The following MPP7 variants were observed in gnomAD, a reference collection of about 807,000 sequenced individuals.
MPP7 encodes MAGUK p55 subfamily member 7.
Under a neutral mutation model 76.5 loss-of-function variants are expected in MPP7, and 60 were observed. The ratio of observed to expected loss-of-function variants is 0.78; its 90% CI spans 0.64 to 0.97. The LOEUF (loss-of-function observed/expected upper bound fraction) is 0.97, where lower values mean the gene tolerates loss of function less well. MPP7 is among the 50% of genes least tolerant of loss of function. The pLI is 0.00. For synonymous variants in MPP7, 237 were observed against 244.5 expected, an observed-to-expected ratio of 0.97 and a Z score of 0.29; for missense variants, 641 against 694.0, an observed-to-expected ratio of 0.92 and a Z score of 0.86.
At chr10:28,080,257 T>C (rs1229470848) in intron 12 of MPP7, among the ~76,000 whole-genome samples, 1 of 152,136 alleles carries the variant, frequency 6.6e-6, no homozygotes, top group Admixed American at 6.5e-5. Flanking sequence ...AAAATACTCA[T>C]CTCACTCTAC....
At chr10:28,164,668 AT>A (rs71391014) in intron 3 of MPP7, among the ~76,000 whole-genome samples, 3 of 151,210 alleles carry the variant, frequency 2.0e-5, no homozygotes, top group African/African-American at 7.3e-5. Flanking sequence ...ACATTATGAG[AT>A]TTTTTTTTTT....
At chr10:28,226,228 G>T (rs189658709) in intron 2 of MPP7, among the ~76,000 whole-genome samples, 8 of 151,994 alleles carry the variant, frequency 5.3e-5, no homozygotes, top group Non-Finnish European at 1.2e-4. Context: ...GATTGACATG[G>T]GCTGGAGGGA....
At chr10:28,238,956 G>A in intron 1 of MPP7, among the ~76,000 whole-genome samples, 1 of 151,596 alleles carries the variant, frequency 6.6e-6, no homozygotes, top group East Asian at 1.9e-4. Context: ...CGTGTGTTGA[G>A]GATTCCTTAA....
chr10:28,325,786 G>A (rs571457987), intron 2 of MPP7, among the ~76,000 whole-genome samples: 54 of 152,040 alleles, frequency 3.6e-4, no homozygotes, highest in African/African-American at 1.3e-3. Context: ...GAGCCACCGC[G>A]CCTGGCCGCA....
chr10:28,105,633 G>A (rs933510927), intron 11 of MPP7, among the ~76,000 whole-genome samples: 1 of 152,094 alleles, frequency 6.6e-6, no homozygotes, highest in African/African-American at 2.4e-5. Context: ...TCAGCCTCCT[G>A]AGTAACTTGG....
chr10:28,070,364 A>G (rs1397381445), intron 12 of MPP7, among the ~76,000 whole-genome samples: 1 of 152,150 alleles, frequency 6.6e-6, no homozygotes, highest in East Asian at 1.9e-4. Context: ...GCGCCTCTGC[A>G]CTCCAGCCTG....
At chr10:28,056,805 A>G (rs1479455453) in intron 15 of MPP7, among the ~76,000 whole-genome samples, 182 bp from the exon 16 acceptor site, 1 of 152,176 alleles carries the variant, frequency 6.6e-6, no homozygotes, top group Non-Finnish European at 1.5e-5. Flanking sequence ...GAAGCTGGGG[A>G]ATGTAACTTG....
At chr10:28,098,073 T>C (rs550509337) in intron 11 of MPP7, among the ~76,000 whole-genome samples, 1 of 152,226 alleles carries the variant, frequency 6.6e-6, no homozygotes, top group East Asian at 1.9e-4. Context: ...ATACATAAAT[T>C]AAGAATCATT....
At position 28,125,040 on chromosome 10, in the gene MPP7, T is replaced by C; in HGVS notation, c.499A>G (p.Ile167Val). 1.2e-6 allele frequency: 2 copies of C among 1,614,106 alleles called. No homozygotes were observed. Among genetic ancestry groups the C allele is most frequent in the Non-Finnish European group, 1.7e-6 (2 of 1,179,978 alleles). ...EQTGAIIVAR[I>V]MRGGAADRSG... The stretch of plus-strand genomic sequence containing the variant: ...CTATCTGCAGCTCCTCCTCTCATGA[T>C]TCTGGCCACAATGATCGCCCCGGTC... The change falls in exon 7 of 17, where the codon ATC (isoleucine) becomes GTC (valine). Residue 167 changes from isoleucine to valine, a missense_variant. Ile to Val is a conservative substitution (Grantham distance 29). Transcript: ENST00000683449.
chr10:28,054,198 C>T lies in MPP7; in HGVS notation c.1598G>A (p.Ser533Asn), dbSNP rs997566061. 11 of 1,600,102 alleles carry T rather than the reference C, an allele frequency of 6.9e-6. No individual in the cohort carries two copies. Among genetic ancestry groups the T allele is most frequent in the African/African-American group, 1.3e-5 (1 of 74,672 alleles). The change falls in exon 17 of 17, where the codon AGT becomes AAT. Residue 533 changes from serine to asparagine, a missense_variant. By Grantham distance (46) the Ser-to-Asn change is conservative (BLOSUM62 1). Transcript: ENST00000683449. ...EMIKSAQIMESQYGHLFDKII... is the reference protein window; with the variant it reads ...EMIKSAQIMENQYGHLFDKII... ...TTTGTCAAAAAGATGACCATATTGA[C>T]TTTCCATTATCTGTGCAGATTTAAT... is the stretch of plus-strand genomic sequence containing the variant.
intron 1 of MPP7, among the ~76,000 whole-genome samples, chr10:28,248,729 A>C (rs1174712423): frequency 6.6e-6 from 1 of 152,194 alleles, no homozygotes; most frequent in African/African-American, 2.4e-5. Context: ...AGGTATGTTT[A>C]GATACACAAA....
rs191246600 is a variant in MPP7, at chr10:28,120,514, G to T, written c.690+80C>A. On this transcript the variant is annotated intron_variant, in intron 9 of 16. Coordinates refer to ENST00000683449, the MANE Select transcript of MPP7 (RefSeq NM_001318170.2). ...ACTGGAATATTGAAAGAAATGTGTTGTGACAAAGTGGATATGTGTTGGATG... is the reference window on the plus strand; with the variant it reads ...ACTGGAATATTGAAAGAAATGTGTTTTGACAAAGTGGATATGTGTTGGATG... The T allele has an allele frequency of 2.7e-4, 403 of 1,506,800 alleles. 3 individuals are homozygous for T. The East Asian group carries it at 6.2e-3, about 23-fold the overall frequency. The allele number at this position is 1,506,800 out of a possible 1,614,324, so 93.3% of individuals were successfully genotyped here. A position where few individuals can be genotyped will look rare whatever the true frequency, so the allele number is the denominator to read the frequency against.
chr10:28,065,052 G>A (rs1369705051), intron 13 of MPP7, among the ~76,000 whole-genome samples: 6 of 152,160 alleles, frequency 3.9e-5, no homozygotes, highest in Non-Finnish European at 7.4e-5. Context: ...TTGTGTTGTT[G>A]CTATTTGCTA....
chr10:28,118,980 C>T (rs1027925735), intron 11 of MPP7: 6 of 984,922 alleles, frequency 6.1e-6, no homozygotes, highest in African/African-American at 5.3e-5. Flanking sequence ...AACATCTAGG[C>T]GAGGTGGAAC....
chr10:28,250,189 G>A (rs1839569497), intron 1 of MPP7, among the ~76,000 whole-genome samples: 1 of 151,984 alleles, frequency 6.6e-6, no homozygotes, highest in African/African-American at 2.4e-5. Context: ...CCTTTGTTTT[G>A]GAGAGATGCT....
chr10:28,164,552 T>C (rs1042441655), intron 3 of MPP7, among the ~76,000 whole-genome samples: 1 of 152,120 alleles, frequency 6.6e-6, no homozygotes, highest in African/African-American at 2.4e-5. Flanking sequence ...CGCTCACTTA[T>C]GAATAATGTG....
At chr10:28,319,352 A>G (rs988136612) in intron 2 of MPP7, among the ~76,000 whole-genome samples, 1 of 152,146 alleles carries the variant, frequency 6.6e-6, no homozygotes, top group African/African-American at 2.4e-5. Context: ...GGGCACACAG[A>G]GCCAAACCAT....
Position 28,184,393 on chromosome 10 carries a change from A to G in MPP7, c.156+17760T>C, listed in dbSNP as rs137961112. 2.2e-3 allele frequency among the ~76,000 whole-genome samples: 324 copies of G among 148,412 alleles called. 13 individuals are homozygous for G. The East Asian group carries it at 0.055, about 25-fold the overall frequency. On this transcript the variant is annotated intron_variant, in intron 3 of 16. Coordinates refer to ENST00000683449, the MANE Select transcript of MPP7 (RefSeq NM_001318170.2). ...ATATATATCACAAGATATTATTAAT[A>G]TATTACAATATTAATATATTAAGAT...
intron 12 of MPP7, among the ~76,000 whole-genome samples, chr10:28,082,304 G>A (rs987913127): frequency 2.6e-5 from 4 of 152,154 alleles, no homozygotes; most frequent in Non-Finnish European, 5.9e-5. Context: ...TTCAAAACCA[G>A]TAGAAGCCTA....
Sources: allele counts gnomAD v4.1 joint callset (sites outside exome capture counted in the v4.1 genomes callset), GRCh38; gene constraint gnomAD v4.1.1; transcripts MANE v1.5; gene names NCBI Gene and HGNC (gene_info 2026-07-23, HGNC 2026-07-21).